The following RMND5A variants were observed in gnomAD, a reference collection of about 807,000 sequenced individuals.
RMND5A encodes E3 ubiquitin-protein transferase RMND5A.
RMND5A carries 17 observed loss-of-function variants against 49.7 expected under a neutral mutation model. The ratio of observed to expected loss-of-function variants is 0.34; its 90% CI spans 0.23 to 0.51. RMND5A has a LOEUF of 0.51. Among genes scored for constraint, RMND5A ranks in the 20% least tolerant of loss-of-function variants. RMND5A has a pLI of 0.96. For missense variants in RMND5A, 255 were observed against 471.3 expected (o/e 0.54, Z 4.25); for synonymous variants, 156 against 167.7 (o/e 0.93, Z 0.54).
rs190372144 is a variant in RMND5A, at chr2:86,772,224, C to T, written c.1112+512C>T. On this transcript the variant is annotated intron_variant, in intron 8 of 8. Coordinates refer to ENST00000283632, the MANE Select transcript of RMND5A (RefSeq NM_022780.4). ...CAGCACTGTGGGAGGCCGAGGCAGG[C>T]GGATCACGAGGTCAGGAGATTGAGA... is the stretch of plus-strand genomic sequence containing the variant. 9.9e-5 allele frequency among the ~76,000 whole-genome samples: 15 copies of T among 152,154 alleles called. No homozygotes were observed. In the East Asian group the frequency reaches 2.5e-3, roughly 26 times the overall value.
chr2:86,764,679 T>C (rs1332556369), intron 4 of RMND5A, among the ~76,000 whole-genome samples: 1 of 152,224 alleles, frequency 6.6e-6, no homozygotes, highest in Non-Finnish European at 1.5e-5. Flanking sequence ...AGGCCAGTTT[T>C]GTAGGAAAAG....
chr2:86,753,109 C>A (rs1387731833), intron 3 of RMND5A, among the ~76,000 whole-genome samples: 1 of 152,186 alleles, frequency 6.6e-6, no homozygotes, highest in Admixed American at 6.5e-5. Flanking sequence ...CTCTGTTATT[C>A]CCAGGGTGTC....
intron 8 of RMND5A, among the ~76,000 whole-genome samples, chr2:86,772,923 T>C (rs1466187421): frequency 1.3e-5 from 2 of 152,202 alleles, no homozygotes; most frequent in South Asian, 2.1e-4. Context: ...CATGTGTCAC[T>C]GTGAGGCATG....
intron 2 of RMND5A, among the ~76,000 whole-genome samples, chr2:86,751,392 C>T (rs1483383862): frequency 6.6e-6 from 1 of 152,176 alleles, no homozygotes. Context: ...ATGTATAGCT[C>T]AAAGGCAAAC....
chr2:86,773,483 A>G lies in RMND5A; in HGVS notation c.*72A>G. On this transcript the variant is annotated 3_prime_UTR_variant, in exon 9 of 9. Coordinates refer to ENST00000283632, the MANE Select transcript of RMND5A (RefSeq NM_022780.4). The stretch of plus-strand genomic sequence containing the variant: ...TGCATTTCAGAAGAGAACGTTCCAT[A>G]TAATGCAGCTAACCAAGGACTCCTG... 1 of 979,082 alleles carries G rather than the reference A, an allele frequency of 1.0e-6. No homozygotes were observed. The allele number at this position is 979,082 out of a possible 1,614,324, so 60.6% of individuals were successfully genotyped here. A position where few individuals can be genotyped will look rare whatever the true frequency, so the allele number is the denominator to read the frequency against.
At chr2:86,754,116 C>G (rs1299947311) in intron 4 of RMND5A, among the ~76,000 whole-genome samples, 1 of 152,236 alleles carries the variant, frequency 6.6e-6, no homozygotes, top group Non-Finnish European at 1.5e-5. Flanking sequence ...GGTCAGCAAG[C>G]TTTTCCATAA....
chr2:86,765,280 C>G, intron 5 of RMND5A, 87 bp downstream of exon 5: 3 of 1,169,738 alleles, frequency 2.6e-6, no homozygotes, highest in Non-Finnish European at 3.6e-6. Context: ...GAGCTAATAC[C>G]TGTTTGCCAG....
chr2:86,751,940 G>T lies in RMND5A; in HGVS notation c.330G>T (p.Trp110Cys). 1 of 1,613,774 alleles carries T rather than the reference G, an allele frequency of 6.2e-7. No homozygotes were observed. Among genetic ancestry groups the T allele is most frequent in the Non-Finnish European group, 8.5e-7 (1 of 1,179,766 alleles). Reference protein sequence around the residue: ...DISSVGIDGCWQADSQRLLNE... With the variant: ...DISSVGIDGCCQADSQRLLNE... Reference sequence around the variant, plus strand: ...GCAGTGTGGGAATAGATGGCTGCTGGCAGGCAGACAGCCAAAGGCTTCTCA... The same window carrying T: ...GCAGTGTGGGAATAGATGGCTGCTGTCAGGCAGACAGCCAAAGGCTTCTCA... Residue 110 changes from tryptophan to cysteine, a missense_variant, in exon 3 of 9, where the codon TGG becomes TGT. Trp to Cys is a radical substitution (Grantham distance 215). Coordinates refer to ENST00000283632, the MANE Select transcript of RMND5A (RefSeq NM_022780.4).
chr2:86,720,776 G>C lies in RMND5A; in HGVS notation c.109G>C (p.Gly37Arg), dbSNP rs1297885702. 6.9e-6 allele frequency: 11 copies of C among 1,595,494 alleles called. No individual in the cohort carries two copies. The highest frequency in any genetic ancestry group is 9.4e-6 in the Non-Finnish European group (11 of 1,171,960). Residue 37 changes from glycine to arginine, a missense_variant, in exon 1 of 9, where the codon GGC becomes CGC. By Grantham distance (125) the Gly-to-Arg change is moderately radical (BLOSUM62 -2). This residue lies in a region of RMND5A where 42 missense variants were observed against 59.9 expected (regional missense o/e 0.70). Transcript: ENST00000283632. ...RGLEELIDYTGGLKHEILQSH... is the reference protein window; with the variant it reads ...RGLEELIDYTRGLKHEILQSH... Reference sequence around the variant, plus strand: ...CCTGGAGGAGCTCATCGACTACACCGGCGGCCTCAAGCACGAGATCCTGCA... The same window carrying C: ...CCTGGAGGAGCTCATCGACTACACCCGCGGCCTCAAGCACGAGATCCTGCA...
At chr2:86,762,657 T>A (rs1251748980) in intron 4 of RMND5A, among the ~76,000 whole-genome samples, 7 of 132,918 alleles carry the variant, frequency 5.3e-5, no homozygotes, top group African/African-American at 1.2e-4. Flanking sequence ...AAAAAAAAAA[T>A]ATTTTTTTAT....
intron 6 of RMND5A, among the ~76,000 whole-genome samples, chr2:86,769,305 A>T (rs6754289): frequency 0.013 from 1,933 of 152,328 alleles, 48 homozygotes; most frequent in African/African-American, 0.044. Flanking sequence ...GTGGATTGAA[A>T]ATGGTGTGTA....
chr2:86,758,435 T>C (rs1279865430), intron 4 of RMND5A, among the ~76,000 whole-genome samples: 3 of 152,170 alleles, frequency 2.0e-5, no homozygotes, highest in Non-Finnish European at 4.4e-5. Flanking sequence ...AGCCAGTTCC[T>C]ATGGATGGAC....
At chr2:86,743,720 T>G (rs887476261) in intron 2 of RMND5A, among the ~76,000 whole-genome samples, 1 of 152,140 alleles carries the variant, frequency 6.6e-6, no homozygotes, top group Admixed American at 6.6e-5. Flanking sequence ...GCGTGGTGGC[T>G]CACACTTGTA....
chr2:86,774,843 G>A lies in RMND5A; in HGVS notation c.*1432G>A, dbSNP rs527754962. 348 of 152,778 alleles carry A rather than the reference G, an allele frequency of 2.3e-3. 4 individuals are homozygous for A. Among genetic ancestry groups the A allele is most frequent in the Non-Finnish European group, 1.0e-3 (69 of 68,044 alleles). 9.5% of individuals were successfully genotyped at this position (152,778 alleles called of 1,614,324 possible). A position where few individuals can be genotyped will look rare whatever the true frequency, so the allele number is the denominator to read the frequency against. On this transcript the variant is annotated 3_prime_UTR_variant, in exon 9 of 9. Coordinates refer to ENST00000283632, the MANE Select transcript of RMND5A (RefSeq NM_022780.4). ...AGATGGACTTGGTTTGAGGGAGGGG[G>A]AATCACAGATTTGGTGCTAAGTTAA...
intron 7 of RMND5A, 114 bp from the exon 8 acceptor site, chr2:86,771,444 C>T (rs56308911): frequency 0.036 from 30,763 of 844,206 alleles, 714 homozygotes; most frequent in Non-Finnish European, 0.046. Context: ...TAGAAAGTTA[C>T]ATTCAGGTGA....
At position 86,757,262 on chromosome 2, in the gene RMND5A, G is replaced by A. The variant is rs558954230; in HGVS notation, c.521+3704G>A. 4.6e-5 allele frequency among the ~76,000 whole-genome samples: 7 copies of A among 150,698 alleles called. No individual in the cohort carries two copies. In the South Asian group the frequency reaches 1.5e-3, roughly 32 times the overall value. On this transcript the variant is annotated intron_variant, in intron 4 of 8. Transcript: ENST00000283632. ...TAGGGGAATGGTGATATTGTGGAGA[G>A]AAGTGGCAGAACAACACCTGATTAC...
chr2:86,760,965 AGTGTGTGTGTGTGTGTGT>A (rs35942120), intron 4 of RMND5A, among the ~76,000 whole-genome samples: 3 of 145,328 alleles, frequency 2.1e-5, no homozygotes, highest in African/African-American at 5.1e-5. Flanking sequence ...GAGAGAGAGA[AGTGTGTGTGTGTGTGTGT>A]GTGTGTGTGT....
chr2:86,764,220 A>G (rs910659399), intron 4 of RMND5A, among the ~76,000 whole-genome samples: 1 of 152,236 alleles, frequency 6.6e-6, no homozygotes, highest in African/African-American at 2.4e-5. Flanking sequence ...ACTGATGGTC[A>G]AATTAAATAA....
chr2:86,745,026 A>AT (rs1681514159), intron 2 of RMND5A, among the ~76,000 whole-genome samples: 1 of 151,912 alleles, frequency 6.6e-6, no homozygotes, highest in African/African-American at 2.4e-5. Flanking sequence ...TTTTTTAGTA[A>AT]AAATAATGTA....
Sources: gnomAD v4.1 joint callset for allele counts (sites outside exome capture counted in the v4.1 genomes callset) on GRCh38, gnomAD v4.1.1 for gene constraint, gnomAD v4.1.1 regional missense constraint, MANE v1.5 for transcripts, NCBI Gene and HGNC (gene_info 2026-07-23, HGNC 2026-07-21) for gene names.